Variants in PTPRK observed in about 807,000 individuals in gnomAD.
The protein encoded by PTPRK is protein tyrosine phosphatase receptor type K.
PTPRK carries 75 observed loss-of-function variants against 178.0 expected under a neutral mutation model. That is an observed-to-expected ratio of 0.42 (90% CI 0.35 to 0.51). The LOEUF (loss-of-function observed/expected upper bound fraction) is 0.51, where lower values mean the gene tolerates loss of function less well. PTPRK is among the 20% of genes least tolerant of loss of function. The probability of loss-of-function intolerance (pLI) is 0.02; values close to 1 mark genes in which losing one functional copy is unlikely to be tolerated. For synonymous variants in PTPRK, 637 were observed against 620.6 expected, an observed-to-expected ratio of 1.03 and a Z score of -0.39; for missense variants, 1,441 against 1,797.8, an observed-to-expected ratio of 0.80 and a Z score of 3.59.
intron 2 of PTPRK, among the ~76,000 whole-genome samples, chr6:128,391,127 A>C (rs898119806): frequency 2.0e-5 from 3 of 152,036 alleles, no homozygotes; most frequent in Non-Finnish European, 4.4e-5. Context: ...TTATTTTTTT[A>C]AAAAAGAATT....
At chr6:128,411,500 A>G (rs1584587716) in intron 1 of PTPRK, among the ~76,000 whole-genome samples, 1 of 152,206 alleles carries the variant, frequency 6.6e-6, no homozygotes, top group Non-Finnish European at 1.5e-5. Flanking sequence ...CAGTTCAATG[A>G]TCAAATCTAT....
In PTPRK at chr6:127,983,402, A is replaced by C. The variant is rs373555423; in HGVS notation, c.3252-25T>G. 5 of 1,609,442 alleles carry C rather than the reference A, an allele frequency of 3.1e-6. No homozygotes were observed. The African/African-American group carries it at 5.4e-5, about 17-fold the overall frequency. ...ACTGAAAAACAATTAAATTTAATGA[A>C]TTGTAAGAAGCATGTTAGTCTTCAT... is the stretch of plus-strand genomic sequence containing the variant. On this transcript the variant is annotated intron_variant, in intron 22 of 29. Coordinates refer to ENST00000368226, the MANE Select transcript of PTPRK (RefSeq NM_002844.4).
At chr6:128,332,873 CACTT>C (rs1270483035) in intron 2 of PTPRK, among the ~76,000 whole-genome samples, 2 of 152,148 alleles carry the variant, frequency 1.3e-5, no homozygotes, top group Non-Finnish European at 2.9e-5. Flanking sequence ...GAAACACACA[CACTT>C]ACTTCACCAA....
At chr6:128,075,836 C>T (rs1403625531) in intron 11 of PTPRK, among the ~76,000 whole-genome samples, 1 of 151,982 alleles carries the variant, frequency 6.6e-6, no homozygotes, top group Non-Finnish European at 1.5e-5. Flanking sequence ...AGAAAGAATA[C>T]ATATTTCCAC....
chr6:128,520,171 C>T lies in PTPRK; in HGVS notation c.100+88G>A, dbSNP rs574783048. 1.0e-4 allele frequency: 121 copies of T among 1,194,558 alleles called. 1 individual carries two copies. The East Asian group carries it at 3.0e-3, about 29-fold the overall frequency. The allele number at this position is 1,194,558 out of a possible 1,614,324, so 74.0% of individuals were successfully genotyped here. Reference sequence around the variant, plus strand: ...CGGACAGAGAGAGCTCCCCACGATCCTTGTCCCCAGCCCTAGCGGGGACCT... The same window carrying T: ...CGGACAGAGAGAGCTCCCCACGATCTTTGTCCCCAGCCCTAGCGGGGACCT... On this transcript the variant is annotated intron_variant, in intron 1 of 29. Coordinates refer to ENST00000368226, the MANE Select transcript of PTPRK (RefSeq NM_002844.4).
intron 6 of PTPRK, among the ~76,000 whole-genome samples, chr6:128,210,368 G>GA (rs371662096): frequency 0.5 from 60,206 of 119,642 alleles, 13,990 homozygotes; most frequent in African/African-American, 0.64. Flanking sequence ...AACTCCGGAG[G>GA]AAAAAAAAAA....
intron 13 of PTPRK, among the ~76,000 whole-genome samples, chr6:128,016,432 C>G (rs999967758): frequency 2.6e-5 from 4 of 151,798 alleles, no homozygotes; most frequent in African/African-American, 9.7e-5. Context: ...TCCCCCCTAG[C>G]TATAAGGAGG....
rs185773388 is a variant in PTPRK, at chr6:128,467,997, C to T, written c.100+52262G>A. On this transcript the variant is annotated intron_variant, in intron 1 of 29. Coordinates refer to ENST00000368226, the MANE Select transcript of PTPRK (RefSeq NM_002844.4). ...TAGATATAATCCTTTGCCCTCTACA[C>T]CTATATATCCAACTACCTAATTGAT... Among the ~76,000 whole-genome samples, 3 of 152,316 alleles carry T rather than the reference C, an allele frequency of 2.0e-5. No individual in the cohort carries two copies. In the East Asian group the frequency reaches 5.8e-4, roughly 29 times the overall value.
intron 7 of PTPRK, among the ~76,000 whole-genome samples, chr6:128,092,544 C>CACATAT (rs1787165082): frequency 6.6e-6 from 1 of 152,076 alleles, no homozygotes; most frequent in Non-Finnish European, 1.5e-5. Flanking sequence ...TATACATATA[C>CACATAT]ACATATGCAG....
rs58466753 is a variant in PTPRK at position 128,472,421 on chromosome 6, C to CT, written c.100+47837_100+47838insA. 1.9e-3 allele frequency among the ~76,000 whole-genome samples: 59 copies of CT among 30,676 alleles called. 2 individuals carry two copies. In the East Asian group the frequency reaches 0.072, roughly 38 times the overall value. 20.1% of individuals were successfully genotyped at this position (30,676 alleles called of 152,430 possible). ...TAGGGAACTCCCTGAATTTTTGACA[C>CT]CCCCCCCCCCTTTAGCTTAGGGAAC... is the stretch of plus-strand genomic sequence containing the variant. On this transcript the variant is annotated intron_variant, in intron 1 of 29. Coordinates refer to ENST00000368226, the MANE Select transcript of PTPRK (RefSeq NM_002844.4).
chr6:128,216,054 T>A (rs773839624), intron 6 of PTPRK, among the ~76,000 whole-genome samples: 5 of 152,046 alleles, frequency 3.3e-5, no homozygotes, highest in Non-Finnish European at 5.9e-5. Flanking sequence ...AAGCAAAGTA[T>A]CACCTGTACG....
intron 18 of PTPRK, 46 bp downstream of exon 18, chr6:127,995,416 T>C: frequency 6.7e-7 from 1 of 1,482,830 alleles, no homozygotes. Context: ...AAGGTTCATA[T>C]ATATAAGCCA....
intron 3 of PTPRK, among the ~76,000 whole-genome samples, chr6:128,272,692 T>C (rs1401159663): frequency 2.0e-5 from 3 of 152,080 alleles, no homozygotes; most frequent in African/African-American, 7.2e-5. Context: ...TGGCGATCAT[T>C]AAAAAGTCAG....
chr6:128,090,837 A>T (rs1786795082), intron 7 of PTPRK, among the ~76,000 whole-genome samples: 1 of 152,218 alleles, frequency 6.6e-6, no homozygotes, highest in African/African-American at 2.4e-5. Flanking sequence ...GAGTAAAAAA[A>T]CTAACACACA....
intron 7 of PTPRK, among the ~76,000 whole-genome samples, chr6:128,167,339 AAAGTT>A (rs1458643760): frequency 6.6e-6 from 1 of 151,994 alleles, no homozygotes; most frequent in African/African-American, 2.4e-5. Context: ...AGAAGTTAAA[AAAGTT>A]AATTGCATTA....
chr6:128,481,550 T>C (rs1294152333), intron 1 of PTPRK, among the ~76,000 whole-genome samples: 2 of 152,150 alleles, frequency 1.3e-5, no homozygotes, highest in Admixed American at 6.6e-5. Flanking sequence ...CATGTGATAC[T>C]GTAACATTGT....
intron 1 of PTPRK, among the ~76,000 whole-genome samples, chr6:128,435,046 CAGGAAGGAAGGAAGGAAGGAAGGAAGGA>C (rs759976402): frequency 2.8e-5 from 2 of 72,428 alleles, no homozygotes; most frequent in South Asian, 5.0e-4. Flanking sequence ...GGCAGGAAGG[CAGGAAGGAAGGAAGGAAGGAAGGAAGGA>C]AGGAAGGAAG....
intron 29 of PTPRK, among the ~76,000 whole-genome samples, chr6:127,970,856 G>A (rs1773819584): frequency 6.6e-6 from 1 of 151,594 alleles, no homozygotes; most frequent in African/African-American, 2.4e-5. Flanking sequence ...TCAAATATAT[G>A]TATTGTTTGA....
chr6:127,991,086 C>T (rs9375544), intron 20 of PTPRK, among the ~76,000 whole-genome samples: 36,715 of 151,672 alleles, frequency 0.24, 5,280 homozygotes, highest in East Asian at 0.43. Flanking sequence ...AGTTAGATTC[C>T]AGTACAAAAT....
Sources: gnomAD v4.1 joint callset for allele counts (sites outside exome capture counted in the v4.1 genomes callset) on GRCh38, gnomAD v4.1.1 for gene constraint, MANE v1.5 for transcripts, NCBI Gene and HGNC (gene_info 2026-07-23, HGNC 2026-07-21) for gene names.